The following OR51B5 variants were observed in gnomAD, a reference collection of about 807,000 sequenced individuals.
OR51B5 encodes the protein olfactory receptor 51B5.
For synonymous variants in OR51B5, 186 were observed against 144.8 expected, an observed-to-expected ratio of 1.28 and a Z score of -2.04; for missense variants, 456 against 374.6, an observed-to-expected ratio of 1.22 and a Z score of -1.79.
At chr11:5,483,918 C>A (rs1851463797) in intron 1 of OR51B5, among the ~76,000 whole-genome samples, 1 of 151,968 alleles carries the variant, frequency 6.6e-6, no homozygotes. Flanking sequence ...CACATTCAGA[C>A]CCTCCACTCT....
chr11:5,421,538 C>T (rs2133760031), intron 1 of OR51B5, among the ~76,000 whole-genome samples: 1 of 152,358 alleles, frequency 6.6e-6, no homozygotes, highest in Non-Finnish European at 1.5e-5. Flanking sequence ...CTCTCTTTCT[C>T]TTCTTTCCTA....
chr11:5,475,127 C>A (rs946037377), intron 1 of OR51B5, among the ~76,000 whole-genome samples: 2 of 152,122 alleles, frequency 1.3e-5, no homozygotes, highest in Non-Finnish European at 2.9e-5. Flanking sequence ...TCTCTAGACC[C>A]AAATATCAAC....
intron 1 of OR51B5, among the ~76,000 whole-genome samples, chr11:5,372,718 G>T (rs551283725): frequency 1.2e-4 from 19 of 152,050 alleles, no homozygotes; most frequent in Non-Finnish European, 2.5e-4. Context: ...TCCTTTTGAT[G>T]ATTGTTTTCT....
chr11:5,454,434 C>G (rs1317699479), intron 1 of OR51B5: 1 of 1,594,788 alleles, frequency 6.3e-7, no homozygotes, highest in African/African-American at 1.3e-5. Flanking sequence ...ATGACTTTCA[C>G]ACTTGGCTTT....
intron 1 of OR51B5, among the ~76,000 whole-genome samples, chr11:5,487,488 C>G (rs420239): frequency 0.96 from 146,201 of 152,216 alleles, 70,251 homozygotes; most frequent in South Asian, 0.99. Context: ...ATTCATTGCC[C>G]TTTCTAAATT....
chr11:5,420,686 T>C (rs1589986940), intron 1 of OR51B5, among the ~76,000 whole-genome samples: 1 of 152,158 alleles, frequency 6.6e-6, no homozygotes, highest in African/African-American at 2.4e-5. Context: ...TAAATGCTTA[T>C]ATTATTTTCT....
At chr11:5,438,586 C>T (rs1390322219) in intron 1 of OR51B5, among the ~76,000 whole-genome samples, 1 of 152,142 alleles carries the variant, frequency 6.6e-6, no homozygotes, top group African/African-American at 2.4e-5. Context: ...ATCTATTGCT[C>T]TTTTTTAGAT....
At chr11:5,486,265 C>T (rs1446056653) in intron 1 of OR51B5, among the ~76,000 whole-genome samples, 2 of 152,096 alleles carry the variant, frequency 1.3e-5, no homozygotes, top group Non-Finnish European at 2.9e-5. Context: ...TTTTCAAAGT[C>T]CTTATCATTA....
At position 5,420,688 on chromosome 11, in the gene OR51B5, T is replaced by C. The variant is rs540450213; in HGVS notation, n.85-73778A>G. Among the ~76,000 whole-genome samples, 10 of 152,276 alleles carry C rather than the reference T, an allele frequency of 6.6e-5. No individual in the cohort carries two copies. In the South Asian group the frequency reaches 2.1e-3, roughly 32 times the overall value. ...CAAAGGAAAGATTTAAATGCTTATATTATTTTCTCTATTTTATTTTTTGTC... is the reference window on the plus strand; with the variant it reads ...CAAAGGAAAGATTTAAATGCTTATACTATTTTCTCTATTTTATTTTTTGTC... On this transcript the variant is annotated intron_variant and non_coding_transcript_variant, in intron 1 of 4. Coordinates refer to the OR51B5 transcript ENST00000415970.
intron 1 of OR51B5, chr11:5,449,342 G>A (rs1354847380): frequency 6.6e-6 from 1 of 152,214 alleles, no homozygotes; most frequent in African/African-American, 2.4e-5. Context: ...TGTTCTGTGG[G>A]TGTCTCATCA....
chr11:5,423,354 G>C (rs1850388168), intron 1 of OR51B5: 1 of 559,146 alleles, frequency 1.8e-6, no homozygotes, highest in South Asian at 3.1e-5. Flanking sequence ...GATCTGAGTT[G>C]ATAAAATTCT....
chr11:5,396,127 C>T (rs1166377603), intron 1 of OR51B5, among the ~76,000 whole-genome samples: 1 of 152,186 alleles, frequency 6.6e-6, no homozygotes, highest in Non-Finnish European at 1.5e-5. Flanking sequence ...CTTAACCACA[C>T]TGCACTGCCT....
At chr11:5,498,692 C>T (rs933981028) in intron 1 of OR51B5, among the ~76,000 whole-genome samples, 14 of 149,816 alleles carry the variant, frequency 9.3e-5, no homozygotes, top group African/African-American at 3.4e-4. Flanking sequence ...CAAGATACAC[C>T]CTTTACTTCT....
intron 1 of OR51B5, among the ~76,000 whole-genome samples, chr11:5,458,715 AC>A (rs775743425): frequency 3.9e-5 from 6 of 152,164 alleles, no homozygotes; most frequent in Non-Finnish European, 7.4e-5. Context: ...TCTTTTTGTA[AC>A]TATTTTGATT....
intron 1 of OR51B5, among the ~76,000 whole-genome samples, chr11:5,360,884 C>T (rs907445732): frequency 5.9e-5 from 9 of 151,292 alleles, no homozygotes; most frequent in Middle Eastern, 3.4e-3. Context: ...AGCAAACTAT[C>T]GCAAGGACAA....
At chr11:5,491,989 C>A (rs1461203535) in intron 1 of OR51B5, among the ~76,000 whole-genome samples, 3 of 152,180 alleles carry the variant, frequency 2.0e-5, no homozygotes, top group African/African-American at 7.2e-5. Context: ...TAAATCAGTG[C>A]AACTGCCAAA....
chr11:5,341,371 A>G (rs921166292), downstream of OR51B5: 6 of 152,196 alleles, frequency 3.9e-5, no homozygotes, highest in African/African-American at 1.4e-4. Context: ...ACCTGCAGAA[A>G]GCAGAAACAT....
intron 1 of OR51B5, among the ~76,000 whole-genome samples, chr11:5,440,383 C>T (rs968669304): frequency 2.6e-5 from 4 of 152,150 alleles, no homozygotes; most frequent in African/African-American, 4.8e-5. Context: ...TAGCAACTAG[C>T]ACAATAATTT....
chr11:5,484,156 C>T (rs1851467152), intron 1 of OR51B5, among the ~76,000 whole-genome samples: 1 of 152,142 alleles, frequency 6.6e-6, no homozygotes, highest in Non-Finnish European at 1.5e-5. Context: ...TCAGATTCCT[C>T]AGCAATATGT....
Sources: gnomAD v4.1 joint callset for allele counts (sites outside exome capture counted in the v4.1 genomes callset) on GRCh38, gnomAD v4.1.1 for gene constraint, MANE v1.5 for transcripts, NCBI Gene and HGNC (gene_info 2026-07-23, HGNC 2026-07-21) for gene names.